B4GALT7: variants seen among roughly 807,000 people sequenced by gnomAD.
The protein encoded by B4GALT7 is beta-1,4-galactosyltransferase 7, also known as UDP-Gal:beta-GlcNAc beta-1,4-galactosyltransferase 7.
B4GALT7 carries 30 observed loss-of-function variants against 33.0 expected under a neutral mutation model. The observed-to-expected ratio is 0.91, with a 90% CI of 0.68 to 1.23. B4GALT7 has a LOEUF of 1.23. B4GALT7 is among the 50% of genes most tolerant of loss of function. The pLI is 0.00. For synonymous variants in B4GALT7, 213 were observed against 187.2 expected, an observed-to-expected ratio of 1.14 and a Z score of -1.13; for missense variants, 507 against 450.8, an observed-to-expected ratio of 1.12 and a Z score of -1.13.
Position 177,609,558 on chromosome 5 carries a change from A to C in B4GALT7, c.847A>C (p.Arg283=), listed in dbSNP as rs777167322. 1.2e-6 allele frequency: 2 copies of C among 1,613,476 alleles called. No homozygotes were observed. Among genetic ancestry groups the C allele is most frequent in the South Asian group, 2.2e-5 (2 of 91,048 alleles). The part of the protein sequence containing the change: ...AQKQEQFKVD[R]EGGLNTVKYH... The stretch of plus-strand genomic sequence containing the variant: ...TCCCCAGGAGCAGTTCAAGGTGGAC[A>C]GGGAGGGAGGCCTGAACACTGTGAA... Residue 283 remains arginine, a synonymous_variant, in exon 6 of 6, where the codon AGG becomes CGG. Transcript: ENST00000029410.
At chr5:177,602,782 A>T in intron 1 of B4GALT7, 1 of 979,870 alleles carries the variant, frequency 1.0e-6, no homozygotes, top group Non-Finnish European at 1.2e-6. Flanking sequence ...TTGTCTGGCA[A>T]ACAGAGGAGG....
chr5:177,600,702 T>G lies in B4GALT7; in HGVS notation c.50+442T>G, dbSNP rs1767822722. On this transcript the variant is annotated intron_variant, in intron 1 of 5. Coordinates refer to ENST00000029410, the MANE Select transcript of B4GALT7 (RefSeq NM_007255.3). The surrounding 1 kb of genome is among the most constrained non-coding windows in gnomAD (Gnocchi z 4.4). ...AATTTGTCTCTGATCCCTGAGGACG[T>G]GTATTCCGTTTCTCTGGTCTCTGCC... 6.6e-6 allele frequency among the ~76,000 whole-genome samples: 1 copy of G among 152,136 alleles called. No individual in the cohort carries two copies. The highest frequency in any genetic ancestry group is 2.4e-5 in the African/African-American group (1 of 41,412).
intron 5 of B4GALT7, 65 bp from the exon 6 acceptor site, chr5:177,609,475 G>C: frequency 6.3e-7 from 1 of 1,591,850 alleles, no homozygotes; most frequent in Middle Eastern, 2.3e-4. Flanking sequence ...AGGTTGTGTG[G>C]GGTCAGTGGG....
At chr5:177,601,842 A>T (rs977737000) in intron 1 of B4GALT7, among the ~76,000 whole-genome samples, 1 of 151,798 alleles carries the variant, frequency 6.6e-6, no homozygotes, top group African/African-American at 2.4e-5. Flanking sequence ...CACTGTCCTG[A>T]GGAATTGGGA....
chr5:177,607,184 T>C, intron 2 of B4GALT7, 118 bp from the exon 3 acceptor site: 1 of 827,056 alleles, frequency 1.2e-6, no homozygotes. Context: ...ACAGGCTGAG[T>C]GAAGTCAGTG....
chr5:177,609,859 G>A lies in B4GALT7; in HGVS notation c.*164G>A, dbSNP rs1768128763. 2.2e-6 allele frequency: 2 copies of A among 901,100 alleles called. No homozygotes were observed. Among genetic ancestry groups the A allele is most frequent in the Admixed American group, 2.2e-5 (1 of 46,150 alleles). The allele number at this position is 901,100 out of a possible 1,614,324, so 55.8% of individuals were successfully genotyped here. ...CCGGCCGCCAAGGCAGGCTTGGGCTGGGCCAGGACACGTGGGGTGCCTGGG... is the reference window on the plus strand; with the variant it reads ...CCGGCCGCCAAGGCAGGCTTGGGCTAGGCCAGGACACGTGGGGTGCCTGGG... On this transcript the variant is annotated 3_prime_UTR_variant, in exon 6 of 6. Transcript: ENST00000029410.
At position 177,607,282 on chromosome 5, in the gene B4GALT7, G is replaced by C; in HGVS notation, c.414-20G>C. Reference sequence around the variant, plus strand: ...TGAGCCCGTGTGCTGCCCCTGCCCAGCCTTGCCCACCCTGCACAGGTTCAA... The same window carrying C: ...TGAGCCCGTGTGCTGCCCCTGCCCACCCTTGCCCACCCTGCACAGGTTCAA... On this transcript the variant is annotated intron_variant, in intron 2 of 5. Coordinates refer to ENST00000029410, the MANE Select transcript of B4GALT7 (RefSeq NM_007255.3). The C allele has an allele frequency of 6.3e-7, 1 of 1,584,454 alleles. No individual in the cohort carries two copies. Among genetic ancestry groups the C allele is most frequent in the Non-Finnish European group, 8.6e-7 (1 of 1,166,192 alleles).
chr5:177,609,934 T>C lies in B4GALT7; in HGVS notation c.*239T>C, dbSNP rs1768131301. On this transcript the variant is annotated 3_prime_UTR_variant, in exon 6 of 6. Transcript: ENST00000029410. ...CAGAGAGAGGCTGGGGTGTGTCCTG[T>C]CCGGGACCCCCCCTGCCTTCCTGCT... 1.7e-6 allele frequency: 1 copy of C among 582,044 alleles called. No individual in the cohort carries two copies. Among genetic ancestry groups the C allele is most frequent in the East Asian group, 2.9e-5 (1 of 34,026 alleles). The allele number at this position is 582,044 out of a possible 1,614,324, so 36.1% of individuals were successfully genotyped here. A position where few individuals can be genotyped will look rare whatever the true frequency, so the allele number is the denominator to read the frequency against.
Position 177,600,282 on chromosome 5 carries a change from G to T in B4GALT7, c.50+22G>T. The T allele has an allele frequency of 7.7e-7, 1 of 1,307,026 alleles. No individual in the cohort carries two copies. 81.0% of individuals were successfully genotyped at this position (1,307,026 alleles called of 1,614,324 possible). ...GCAGGTGAGCGGCGGCGGTGGGCCC[G>T]GGCCCCGTCCTCCCGGGCGCCGCTC... On this transcript the variant is annotated intron_variant, in intron 1 of 5. Coordinates refer to ENST00000029410, the MANE Select transcript of B4GALT7 (RefSeq NM_007255.3). This position sits in a 1 kb window ranked among gnomAD's most constrained non-coding sequence, Gnocchi z 4.4.
chr5:177,607,186 A>T, intron 2 of B4GALT7, 116 bp from the exon 3 acceptor site: 1 of 833,890 alleles, frequency 1.2e-6, no homozygotes, highest in Non-Finnish European at 2.0e-6. Context: ...AGGCTGAGTG[A>T]AGTCAGTGCT....
Position 177,604,193 on chromosome 5 carries a change from C to T in B4GALT7, c.65C>T (p.Ser22Phe), listed in dbSNP as rs1257503347. ...GCTTGCTCCAGGTCCGGGTTGCTCT[C>T]CGGCGGCCTCCCTCGGAAGTGTTCC... ...PWEDGRSGLL[S>F]GGLPRKCSVF... Residue 22 changes from serine to phenylalanine, a missense_variant, in exon 2 of 6, where the codon TCC becomes TTC. Coordinates refer to ENST00000029410, the MANE Select transcript of B4GALT7 (RefSeq NM_007255.3). 6.2e-7 allele frequency: 1 copy of T among 1,613,564 alleles called. No individual in the cohort carries two copies. The highest frequency in any genetic ancestry group is 8.5e-7 in the Non-Finnish European group (1 of 1,179,946).
chr5:177,608,621 A>G lies in B4GALT7; in HGVS notation c.722A>G (p.Gln241Arg), dbSNP rs1561816183. Residue 241 changes from glutamine to arginine, a missense_variant and splice_region_variant, in exon 4 of 6, where the codon CAG (glutamine) becomes CGG (arginine). Gln to Arg is a conservative substitution (Grantham distance 43, BLOSUM62 1). Transcript: ENST00000029410. The surrounding 1 kb of genome is among the most constrained non-coding windows in gnomAD (Gnocchi z 4.1). Reference protein sequence around the residue: ...FYRRIKGAGLQLFRPSGITTG... With the variant: ...FYRRIKGAGLRLFRPSGITTG... ...CGGCGCATTAAGGGAGCTGGGCTCC[A>G]GGTGAGATTCCCCGGGCCCCGCCGC... 1.2e-6 allele frequency: 2 copies of G among 1,613,512 alleles called. No homozygotes were observed. Among genetic ancestry groups the G allele is most frequent in the Non-Finnish European group, 1.7e-6 (2 of 1,179,930 alleles).
intron 2 of B4GALT7, 128 bp downstream of exon 2, chr5:177,604,669 A>AT: frequency 7.9e-7 from 1 of 1,261,142 alleles, no homozygotes; most frequent in Non-Finnish European, 1.1e-6. Context: ...ACTGGGTGTG[A>AT]CAGGAACCTT....
Position 177,608,578 on chromosome 5 carries a change from G to T in B4GALT7, c.679G>T (p.Glu227Ter). Reference protein sequence around the residue: ...MSNRFWGWGREDDEFYRRIKG... With the variant: ...MSNRFWGWGR ...CAACCGCTTCTGGGGCTGGGGCCGC[G>T]AGGACGACGAGTTCTACCGGCGCAT... is the stretch of plus-strand genomic sequence containing the variant. The change falls in exon 4 of 6, where the codon GAG (glutamate) becomes TAG (stop). Residue 227 changes from glutamate to a stop codon, truncating the protein, a stop_gained. Transcript: ENST00000029410. LOFTEE classifies it high-confidence loss of function. The surrounding 1 kb of genome is among the most constrained non-coding windows in gnomAD (Gnocchi z 4.1). 1.9e-6 allele frequency: 3 copies of T among 1,613,910 alleles called. No homozygotes were observed. Among genetic ancestry groups the T allele is most frequent in the Non-Finnish European group, 2.5e-6 (3 of 1,180,004 alleles).
In B4GALT7 at chr5:177,608,779, C is replaced by T; in HGVS notation, c.724-131C>T. On this transcript the variant is annotated intron_variant, in intron 4 of 5. Transcript: ENST00000029410. This position sits in a 1 kb window ranked among gnomAD's most constrained non-coding sequence, Gnocchi z 4.1. ...CATGGTCATCTAGCCAGTTCCTTGCCCTGTGGGCCCCAGTCTCCTCTCCTG... is the reference window on the plus strand; with the variant it reads ...CATGGTCATCTAGCCAGTTCCTTGCTCTGTGGGCCCCAGTCTCCTCTCCTG... The T allele has an allele frequency of 8.9e-7, 1 of 1,119,050 alleles. No homozygotes were observed. The highest frequency in any genetic ancestry group is 1.3e-6 in the Non-Finnish European group (1 of 749,538). 69.3% of individuals were successfully genotyped at this position (1,119,050 alleles called of 1,614,324 possible). A position where few individuals can be genotyped will look rare whatever the true frequency, so the allele number is the denominator to read the frequency against.
Position 177,606,338 on chromosome 5 carries a change from G to A in B4GALT7, c.414-964G>A, listed in dbSNP as rs1188794696. On this transcript the variant is annotated intron_variant, in intron 2 of 5. Coordinates refer to ENST00000029410, the MANE Select transcript of B4GALT7 (RefSeq NM_007255.3). This position sits in a 1 kb window ranked among gnomAD's most constrained non-coding sequence, Gnocchi z 4.2. ...TGGTGGCCTGCCCTGCCCCAAACCT[G>A]TAGCTCTGTCCTCTTCTCCATGGGA... 6.6e-6 allele frequency: 1 copy of A among 152,416 alleles called. No individual in the cohort carries two copies. The highest frequency in any genetic ancestry group is 1.5e-5 in the Non-Finnish European group (1 of 68,272). The allele number at this position is 152,416 out of a possible 1,614,324, so 9.4% of individuals were successfully genotyped here. A position where few individuals can be genotyped will look rare whatever the true frequency, so the allele number is the denominator to read the frequency against.
Position 177,608,861 on chromosome 5 carries a change from G to T in B4GALT7, c.724-49G>T. Reference sequence around the variant, plus strand: ...ACCTCGGGAGCTGGTGGTGAGGGCTGGGGCTCCAGGAAGGGCAGCCTGACC... The same window carrying T: ...ACCTCGGGAGCTGGTGGTGAGGGCTTGGGCTCCAGGAAGGGCAGCCTGACC... On this transcript the variant is annotated intron_variant, in intron 4 of 5. Coordinates refer to ENST00000029410, the MANE Select transcript of B4GALT7 (RefSeq NM_007255.3). The surrounding 1 kb of genome is among the most constrained non-coding windows in gnomAD (Gnocchi z 4.1). 6.6e-7 allele frequency: 1 copy of T among 1,512,524 alleles called. No homozygotes were observed. The highest frequency in any genetic ancestry group is 1.1e-5 in the South Asian group (1 of 88,906). The allele number at this position is 1,512,524 out of a possible 1,614,324, so 93.7% of individuals were successfully genotyped here. A position where few individuals can be genotyped will look rare whatever the true frequency, so the allele number is the denominator to read the frequency against.
rs1219538554 is a variant in B4GALT7, at chr5:177,608,791, A to C, written c.724-119A>C. On this transcript the variant is annotated intron_variant, in intron 4 of 5. Coordinates refer to ENST00000029410, the MANE Select transcript of B4GALT7 (RefSeq NM_007255.3). The surrounding 1 kb of genome is among the most constrained non-coding windows in gnomAD (Gnocchi z 4.1). ...GCCAGTTCCTTGCCCTGTGGGCCCC[A>C]GTCTCCTCTCCTGCAGGCTGGGAGT... is the stretch of plus-strand genomic sequence containing the variant. The C allele has an allele frequency of 1.8e-6, 2 of 1,140,982 alleles. No individual in the cohort carries two copies. Among genetic ancestry groups the C allele is most frequent in the South Asian group, 1.3e-5 (1 of 79,682 alleles). The allele number at this position is 1,140,982 out of a possible 1,614,324, so 70.7% of individuals were successfully genotyped here. A position where few individuals can be genotyped will look rare whatever the true frequency, so the allele number is the denominator to read the frequency against.
In B4GALT7 at chr5:177,607,440, C is replaced by G. The variant is rs371253299; in HGVS notation, c.552C>G (p.His184Gln). The G allele has an allele frequency of 6.2e-7, 1 of 1,613,966 alleles. No homozygotes were observed. The highest frequency in any genetic ancestry group is 1.7e-5 in the Admixed American group (1 of 60,028). ...GCTTTCCTGAGGCTGGGCCCTTCCA[C>G]GTGGCCTCCCCGGAGCTCCACCCTC... ...DYGFPEAGPF[H>Q]VASPELHPLY... is the part of the protein sequence containing the mutation. Residue 184 changes from histidine (H) to glutamine (Q), a missense_variant, in exon 3 of 6, where the codon CAC (histidine) becomes CAG (glutamine). Physicochemically the swap from His to Gln is conservative, Grantham distance 24. Transcript: ENST00000029410.
Sources: allele counts gnomAD v4.1 joint callset (sites outside exome capture counted in the v4.1 genomes callset), GRCh38; gene constraint gnomAD v4.1.1; non-coding constraint Gnocchi (gnomAD v3.1); transcripts MANE v1.5; gene names NCBI Gene and HGNC (gene_info 2026-07-23, HGNC 2026-07-21).